Variants in MAN2A1 observed in about 807,000 individuals in gnomAD.
MAN2A1 encodes mannosidase alpha class 2A member 1.
MAN2A1 carries 76 observed loss-of-function variants against 142.6 expected under a neutral mutation model. The ratio of observed to expected loss-of-function variants is 0.53; its 90% CI spans 0.44 to 0.65. The LOEUF (loss-of-function observed/expected upper bound fraction) is 0.65, where lower values mean the gene tolerates loss of function less well. Among genes scored for constraint, MAN2A1 ranks in the 30% least tolerant of loss-of-function variants. The pLI, the probability that MAN2A1 is intolerant of heterozygous loss-of-function variation, is 0.00. For missense variants in MAN2A1, 1,311 were observed against 1,365.1 expected (o/e 0.96, Z 0.62); for synonymous variants, 559 against 473.2 (o/e 1.18, Z -2.35).
intron 3 of MAN2A1, among the ~76,000 whole-genome samples, chr5:109,719,460 A>G (rs1244132213): frequency 6.6e-6 from 1 of 152,216 alleles, no homozygotes; most frequent in Non-Finnish European, 1.5e-5. Flanking sequence ...TAATAGAGGA[A>G]AAAGAGAAAA....
intron 16 of MAN2A1, among the ~76,000 whole-genome samples, chr5:109,834,505 A>G (rs1289429599): frequency 6.6e-6 from 1 of 152,062 alleles, no homozygotes; most frequent in African/African-American, 2.4e-5. Flanking sequence ...CAAGTATATC[A>G]TAGTTTATTG....
intron 17 of MAN2A1, among the ~76,000 whole-genome samples, chr5:109,845,309 G>A (rs867109173): frequency 6.6e-6 from 1 of 152,084 alleles, no homozygotes; most frequent in South Asian, 2.1e-4. Context: ...ATTGGAATTT[G>A]GAACTATCTA....
intron 4 of MAN2A1, among the ~76,000 whole-genome samples, chr5:109,736,456 A>G (rs868430244): frequency 6.6e-6 from 1 of 152,084 alleles, no homozygotes; most frequent in Non-Finnish European, 1.5e-5. Flanking sequence ...ATTGGAGGCT[A>G]TAGTGAGCTG....
chr5:109,852,748 A>C (rs187105066), intron 19 of MAN2A1, among the ~76,000 whole-genome samples: 1 of 152,364 alleles, frequency 6.6e-6, no homozygotes, highest in East Asian at 1.9e-4. Context: ...TTTATAACTT[A>C]AACACATAAA....
At chr5:109,702,325 G>A (rs968143603) in intron 1 of MAN2A1, among the ~76,000 whole-genome samples, 2 of 151,304 alleles carry the variant, frequency 1.3e-5, no homozygotes, top group Non-Finnish European at 2.9e-5. Flanking sequence ...TTGTGTGTGT[G>A]TGTGTGTGTG....
intron 7 of MAN2A1, 46 bp from the exon 8 acceptor site, chr5:109,774,742 A>G (rs1477609752): frequency 1.4e-6 from 2 of 1,422,400 alleles, no homozygotes; most frequent in Non-Finnish European, 9.7e-7. Context: ...ACTTTTTCTT[A>G]GTCAAATTCA....
Position 109,690,377 on chromosome 5 carries a change from T to C in MAN2A1, c.-41T>C, listed in dbSNP as rs1391082059. On this transcript the variant is annotated 5_prime_UTR_variant, in exon 1 of 22. Coordinates refer to ENST00000261483, the MANE Select transcript of MAN2A1 (RefSeq NM_002372.4). ...AGAGTCCACAGTGCGCTGTCTCCTT[T>C]GGCTGAGGAGAGTGTCCTGGCCCCG... 1 of 1,611,794 alleles carries C rather than the reference T, an allele frequency of 6.2e-7. No homozygotes were observed. Among genetic ancestry groups the C allele is most frequent in the African/African-American group, 1.3e-5 (1 of 75,028 alleles).
At chr5:109,842,708 A>G (rs564295519) in intron 17 of MAN2A1, among the ~76,000 whole-genome samples, 88 of 152,144 alleles carry the variant, frequency 5.8e-4, no homozygotes, top group African/African-American at 2.1e-3. Flanking sequence ...TTTGGTGACC[A>G]CTATGAATGT....
intron 4 of MAN2A1, among the ~76,000 whole-genome samples, chr5:109,744,580 C>T (rs1752350053): frequency 6.6e-6 from 1 of 152,096 alleles, no homozygotes; most frequent in Admixed American, 6.5e-5. Flanking sequence ...CTGTTTCCAA[C>T]CCTTTTAGAA....
intron 7 of MAN2A1, among the ~76,000 whole-genome samples, chr5:109,772,336 T>A (rs1582881749): frequency 6.6e-6 from 1 of 152,192 alleles, no homozygotes; most frequent in East Asian, 1.9e-4. Context: ...TCCACTGCAC[T>A]CCAGCCTGGG....
In MAN2A1 at chr5:109,707,644, A is replaced by G. The variant is rs146744361; in HGVS notation, c.136-5876A>G. On this transcript the variant is annotated intron_variant, in intron 1 of 21. Coordinates refer to ENST00000261483, the MANE Select transcript of MAN2A1 (RefSeq NM_002372.4). ...AGACTGGCTGGGGAAGGCTATGCAGAGGTGACGTTTGGCATGAGAGTTGAA... is the reference window on the plus strand; with the variant it reads ...AGACTGGCTGGGGAAGGCTATGCAGGGGTGACGTTTGGCATGAGAGTTGAA... Among the ~76,000 whole-genome samples, 356 of 152,300 alleles carry G rather than the reference A, an allele frequency of 2.3e-3. 5 individuals are homozygous for G. The highest frequency in any genetic ancestry group is 7.8e-3 in the African/African-American group (326 of 41,572).
chr5:109,836,579 T>G (rs566853294), intron 16 of MAN2A1, among the ~76,000 whole-genome samples: 1 of 152,120 alleles, frequency 6.6e-6, no homozygotes, highest in Non-Finnish European at 1.5e-5. Context: ...ATTTTGAGAG[T>G]GGTGCTAAAA....
Position 109,869,208 on chromosome 5 carries a change from T to C in MAN2A1, c.*2210T>C, listed in dbSNP as rs1316139978. ...TGTCTCTGGCACACACTAAAAACCATACACTTCAGTTGTGATCTCAGTGGC... is the reference window on the plus strand; with the variant it reads ...TGTCTCTGGCACACACTAAAAACCACACACTTCAGTTGTGATCTCAGTGGC... On this transcript the variant is annotated 3_prime_UTR_variant, in exon 22 of 22. Coordinates refer to ENST00000261483, the MANE Select transcript of MAN2A1 (RefSeq NM_002372.4). 1.3e-5 allele frequency: 2 copies of C among 152,230 alleles called. No homozygotes were observed. Among genetic ancestry groups the C allele is most frequent in the Non-Finnish European group, 2.9e-5 (2 of 68,038 alleles). 9.4% of individuals were successfully genotyped at this position (152,230 alleles called of 1,614,324 possible).
In MAN2A1 at chr5:109,704,605, A is replaced by C. The variant is rs1475732552; in HGVS notation, c.136-8915A>C. On this transcript the variant is annotated intron_variant, in intron 1 of 21. Coordinates refer to ENST00000261483, the MANE Select transcript of MAN2A1 (RefSeq NM_002372.4). Reference sequence around the variant, plus strand: ...CTTAAGGGGTGGAGTGGGCGCTTGGAGGGTTACCTGTCATTTTATCAAGCC... The same window carrying C: ...CTTAAGGGGTGGAGTGGGCGCTTGGCGGGTTACCTGTCATTTTATCAAGCC... Among the ~76,000 whole-genome samples the C allele has an allele frequency of 2.0e-5, 3 of 152,198 alleles. 1 individual carries two copies. In the South Asian group the frequency reaches 6.2e-4, roughly 32 times the overall value.
intron 3 of MAN2A1, among the ~76,000 whole-genome samples, chr5:109,724,132 T>A (rs13172735): frequency 0.17 from 26,495 of 152,196 alleles, 3,273 homozygotes; most frequent in East Asian, 0.64. Context: ...TAAGATTGTA[T>A]GTTACCCCAT....
chr5:109,690,109 C>T lies in MAN2A1; in HGVS notation c.-309C>T. The T allele has an allele frequency of 3.3e-6, 1 of 306,922 alleles. No individual in the cohort carries two copies. Among genetic ancestry groups the T allele is most frequent in the South Asian group, 4.0e-5 (1 of 24,740 alleles). The allele number at this position is 306,922 out of a possible 1,614,324, so 19.0% of individuals were successfully genotyped here. On this transcript the variant is annotated 5_prime_UTR_variant, in exon 1 of 22. Coordinates refer to ENST00000261483, the MANE Select transcript of MAN2A1 (RefSeq NM_002372.4). ...ACCTCTCCTCCGCCTGCCCCGCGCG[C>T]CCTGCCGGAGGTCGGCGCTGAGCTT...
At chr5:109,781,347 A>G (rs768480745) in intron 8 of MAN2A1, 49 bp from the exon 9 acceptor site, 100 of 1,133,108 alleles carry the variant, frequency 8.8e-5, no homozygotes, top group Non-Finnish European at 1.2e-4. Flanking sequence ...TAAGAAGTAA[A>G]TAATTTTAAG....
intron 1 of MAN2A1, 125 bp downstream of exon 1, chr5:109,690,677 C>T: frequency 9.4e-7 from 1 of 1,060,814 alleles, no homozygotes; most frequent in Non-Finnish European, 1.4e-6. Context: ...AGGCCAGGGG[C>T]TCTGTAGCTC....
chr5:109,768,594 T>C (rs1185709826), intron 6 of MAN2A1, among the ~76,000 whole-genome samples: 1 of 152,202 alleles, frequency 6.6e-6, no homozygotes, highest in Non-Finnish European at 1.5e-5. Flanking sequence ...AAAACAGTGT[T>C]TGAGAAATTA....
Sources: gnomAD v4.1 joint callset for allele counts (sites outside exome capture counted in the v4.1 genomes callset) on GRCh38, gnomAD v4.1.1 for gene constraint, MANE v1.5 for transcripts, NCBI Gene and HGNC (gene_info 2026-07-23, HGNC 2026-07-21) for gene names.